Variants in IL3RA observed in about 807,000 individuals in gnomAD.
IL3RA encodes interleukin-3 receptor subunit alpha.
Under a neutral mutation model 52.3 loss-of-function variants are expected in IL3RA, and 73 were observed. That is an observed-to-expected ratio of 1.40 (90% CI 1.16 to 1.70). The LOEUF (loss-of-function observed/expected upper bound fraction) is 1.70. IL3RA is among the 40% of genes most tolerant of loss of function. The pLI, the probability that IL3RA is intolerant of heterozygous loss-of-function variation, is 0.00. For synonymous variants in IL3RA, 260 were observed against 194.0 expected, an observed-to-expected ratio of 1.34 and a Z score of -2.83; for missense variants, 664 against 504.4, an observed-to-expected ratio of 1.32 and a Z score of -3.03.
intron 8 of IL3RA, among the ~76,000 whole-genome samples, chrX:1,360,260 CCATCTTTCTCTCTCTCT>C (rs1176416565): frequency 2.4e-5 from 1 of 42,070 alleles, no homozygotes; most frequent in African/African-American, 1.3e-4. Context: ...CTTTCTCCCT[CCATCTTTCTCTCTCTCT>C]CCTGGTCTCT....
chrX:1,379,381 C>A (rs1210154345), intron 10 of IL3RA, among the ~76,000 whole-genome samples: 1 of 152,240 alleles, frequency 6.6e-6, no homozygotes, highest in African/African-American at 2.4e-5. Context: ...GTGTTGAACT[C>A]CTGGCCTCAA....
chrX:1,340,445 GACAC>G (rs1250492471), intron 1 of IL3RA, among the ~76,000 whole-genome samples: 1 of 152,188 alleles, frequency 6.6e-6, no homozygotes, highest in African/African-American at 2.4e-5. Flanking sequence ...GGGAACGGCT[GACAC>G]ACACACAGAT....
At chrX:1,368,048 A>C (rs1434462256) in intron 9 of IL3RA, among the ~76,000 whole-genome samples, 1 of 152,100 alleles carries the variant, frequency 6.6e-6, no homozygotes, top group African/African-American at 2.4e-5. Context: ...TCACAAGGTC[A>C]GGAGATCGAG....
intron 1 of IL3RA, among the ~76,000 whole-genome samples, chrX:1,338,307 A>AG (rs1485798757): frequency 6.6e-6 from 1 of 152,034 alleles, no homozygotes; most frequent in African/African-American, 2.4e-5. Context: ...AGCCATGAAA[A>AG]GGAACAAGCA....
Position 1,370,766 on chromosome X carries a change from C to G in IL3RA, c.874+5514C>G, listed in dbSNP as rs1191552284. Among the ~76,000 whole-genome samples the G allele has an allele frequency of 1.1e-4, 7 of 61,882 alleles. 1 individual carries two copies. The highest frequency in any genetic ancestry group is 2.0e-4 in the African/African-American group (2 of 10,016). The allele number at this position is 61,882 out of a possible 152,430, so 40.6% of individuals were successfully genotyped here. On this transcript the variant is annotated intron_variant, in intron 9 of 11. Transcript: ENST00000331035. ...GACTAAGCCATCTCATAAGAAGAGACGAGGACACAGACACACAGAGAGGGA... is the reference window on the plus strand; with the variant it reads ...GACTAAGCCATCTCATAAGAAGAGAGGAGGACACAGACACACAGAGAGGGA...
At chrX:1,357,453 C>T (rs766404468) in intron 7 of IL3RA, among the ~76,000 whole-genome samples, 15 of 151,956 alleles carry the variant, frequency 9.9e-5, no homozygotes, top group East Asian at 5.9e-4. Flanking sequence ...CTCCGCCTCT[C>T]GGGTTCAACC....
At chrX:1,380,139 C>T (rs2089073627) in intron 10 of IL3RA, among the ~76,000 whole-genome samples, 1 of 151,758 alleles carries the variant, frequency 6.6e-6, no homozygotes, top group African/African-American at 2.4e-5. Flanking sequence ...GTTGATCTGC[C>T]CGCCTGGGCC....
chrX:1,343,771 CTTTCT>C (rs1456004617), intron 2 of IL3RA, among the ~76,000 whole-genome samples: 17 of 124,906 alleles, frequency 1.4e-4, no homozygotes, highest in African/African-American at 5.4e-4. Context: ...CTTTTTCTTT[CTTTCT>C]TTTTTTTTTT....
intron 7 of IL3RA, among the ~76,000 whole-genome samples, 170 bp from the exon 8 acceptor site, chrX:1,358,691 G>C (rs1252454780): frequency 1.3e-5 from 2 of 152,088 alleles, no homozygotes; most frequent in Non-Finnish European, 2.9e-5. Flanking sequence ...CTTTTGGTCA[G>C]GTGCTATTTA....
chrX:1,350,469 G>A (rs79949461), intron 4 of IL3RA, among the ~76,000 whole-genome samples: 72,643 of 130,278 alleles, frequency 0.56, 17,724 homozygotes, highest in Admixed American at 0.57. Context: ...CATGCCTGTA[G>A]TCCCAGCTAC....
Position 1,370,728 on chromosome X carries a change from G to A in IL3RA, c.874+5476G>A, listed in dbSNP as rs1416992349. 1.1e-4 allele frequency among the ~76,000 whole-genome samples: 5 copies of A among 45,076 alleles called. 1 individual carries two copies. The South Asian group carries it at 3.9e-3, about 35-fold the overall frequency. The allele number at this position is 45,076 out of a possible 152,430, so 29.6% of individuals were successfully genotyped here. On this transcript the variant is annotated intron_variant, in intron 9 of 11. Transcript: ENST00000331035. ...GCCCAGCCTCTGGTATTCTGTGACA[G>A]CAGCCTGAGATGGACTAAGCCATCT...
intron 4 of IL3RA, 97 bp downstream of exon 4, chrX:1,348,642 TTC>T (rs368362819): frequency 0.045 from 26,754 of 600,670 alleles, 1,055 homozygotes; most frequent in South Asian, 0.073. Flanking sequence ...TCTTTTCTTT[TTC>T]TCTTTCTTTC....
intron 9 of IL3RA, among the ~76,000 whole-genome samples, chrX:1,370,748 C>A (rs1284643123): frequency 5.5e-4 from 29 of 53,180 alleles, no homozygotes; most frequent in Middle Eastern, 9.8e-3. Flanking sequence ...ATGGACTAAG[C>A]CATCTCATAA....
At chrX:1,345,593 C>T (rs1256084509) in intron 3 of IL3RA, among the ~76,000 whole-genome samples, 159 bp downstream of exon 3, 4 of 151,806 alleles carry the variant, frequency 2.6e-5, no homozygotes, top group African/African-American at 4.9e-5. Context: ...AGGTCCATGC[C>T]ATTCTCCTGC....
chrX:1,381,914 ATC>A (rs1267682084), intron 11 of IL3RA, among the ~76,000 whole-genome samples: 2 of 151,384 alleles, frequency 1.3e-5, no homozygotes, highest in African/African-American at 2.4e-5. Context: ...GGAGGCAGAC[ATC>A]TCTGTCAGAG....
At chrX:1,380,659 GGTAGGGGGGAAGGGGTGGAGGA>G in intron 10 of IL3RA, among the ~76,000 whole-genome samples, 1 of 96,516 alleles carries the variant, frequency 1.0e-5, no homozygotes, top group African/African-American at 4.0e-5. Context: ...GAGAGGGAGG[GGTAGGGGGGAAGGGGTGGAGGA>G]GGGAGGAAAA....
chrX:1,361,795 G>C (rs1322184838), intron 8 of IL3RA, among the ~76,000 whole-genome samples: 2 of 150,078 alleles, frequency 1.3e-5, no homozygotes, highest in Non-Finnish European at 3.0e-5. Context: ...CGAGAGAAAG[G>C]TTTCCCTTAT....
chrX:1,352,233 G>C lies in IL3RA; in HGVS notation c.431+1G>C, dbSNP rs1414533819. 1 of 1,613,538 alleles carries C rather than the reference G, an allele frequency of 6.2e-7. No individual in the cohort carries two copies. The highest frequency in any genetic ancestry group is 8.5e-7 in the Non-Finnish European group (1 of 1,179,768). On this transcript the variant is annotated splice_donor_variant, in intron 5 of 11. Transcript: ENST00000331035. LOFTEE classifies it high-confidence loss of function. ...ACGACCTGTACTTGAACGTTGCCAA[G>C]TAGGTGTGCCCGTGGGCAGAGGCCG...
chrX:1,340,642 G>A (rs1356982038), intron 1 of IL3RA, among the ~76,000 whole-genome samples: 2 of 152,174 alleles, frequency 1.3e-5, no homozygotes, highest in East Asian at 1.9e-4. Context: ...TGCATGCACA[G>A]ATACATATGC....
Sources: allele counts gnomAD v4.1 joint callset (sites outside exome capture counted in the v4.1 genomes callset), GRCh38; gene constraint gnomAD v4.1.1; transcripts MANE v1.5; gene names NCBI Gene and HGNC (gene_info 2026-07-23, HGNC 2026-07-21).